LRRC37A2: variants seen among roughly 807,000 people sequenced by gnomAD.
LRRC37A2 encodes the protein leucine-rich repeat-containing protein 37A2.
In LRRC37A2, 9 loss-of-function variants were observed where a neutral mutation model predicts 68.8. That is an observed-to-expected ratio of 0.13 (90% CI 0.08 to 0.23). The LOEUF (loss-of-function observed/expected upper bound fraction) is 0.23, where lower values mean the gene tolerates loss of function less well. Among genes scored for constraint, LRRC37A2 ranks in the 10% least tolerant of loss-of-function variants. LRRC37A2 has a pLI of 1.00. For missense variants in LRRC37A2, 168 were observed against 950.4 expected (o/e 0.18, Z 10.82); for synonymous variants, 63 against 367.6 (o/e 0.17, Z 9.48).
chr17:46,781,746 G>A, the LRRC37A2 span, among the ~76,000 whole-genome samples: 2 of 152,146 alleles, frequency 1.3e-5, no homozygotes, highest in Non-Finnish European at 1.5e-5. Flanking sequence ...AATCAAAGGA[G>A]GGATGGTGCT....
chr17:46,713,771 T>C, the LRRC37A2 span: 41 of 1,383,168 alleles, frequency 3.0e-5, no homozygotes, highest in South Asian at 5.1e-4. Context: ...CTCAGTATGT[T>C]CTGGATAAAA....
chr17:46,931,174 A>G, the LRRC37A2 span: 3 of 1,604,476 alleles, frequency 1.9e-6, no homozygotes, highest in Admixed American at 5.0e-5. Context: ...TTGTCCAGCA[A>G]GGAGCCCCCT....
the LRRC37A2 span, among the ~76,000 whole-genome samples, chr17:46,879,809 T>C: frequency 4.6e-5 from 7 of 152,204 alleles, no homozygotes; most frequent in Admixed American, 2.6e-4. Flanking sequence ...CCCAGCCTTT[T>C]GGATCTGGAT....
chr17:46,717,177 C>A, the LRRC37A2 span, among the ~76,000 whole-genome samples: 1 of 152,100 alleles, frequency 6.6e-6, no homozygotes, highest in Non-Finnish European at 1.5e-5. Flanking sequence ...AGAATGAAAT[C>A]CTTGTCATTT....
At chr17:46,889,966 T>C in the LRRC37A2 span, among the ~76,000 whole-genome samples, 2 of 152,236 alleles carry the variant, frequency 1.3e-5, no homozygotes, top group African/African-American at 2.4e-5. Flanking sequence ...CCTGGCATAT[T>C]GTCAGCTCTA....
At chr17:47,019,565 A>C in the LRRC37A2 span, 1 of 1,474,354 alleles carries the variant, frequency 6.8e-7, no homozygotes, top group Middle Eastern at 1.8e-4. Flanking sequence ...CTGAAGTCAC[A>C]GGTCCACCTA....
chr17:46,543,506 A>C (rs1461472642), intron 8 of LRRC37A2, among the ~76,000 whole-genome samples: 2 of 150,958 alleles, frequency 1.3e-5, no homozygotes, highest in African/African-American at 5.0e-5. Flanking sequence ...CGGACCGCAT[A>C]GTAGACAATG....
At chr17:46,920,995 T>C in the LRRC37A2 span, 1 of 152,194 alleles carries the variant, frequency 6.6e-6, no homozygotes, top group Non-Finnish European at 1.5e-5. Flanking sequence ...TTCTGCTTTT[T>C]TTTTTCAGCC....
chr17:46,897,591 T>G, the LRRC37A2 span, among the ~76,000 whole-genome samples: 1 of 152,172 alleles, frequency 6.6e-6, no homozygotes, highest in East Asian at 1.9e-4. Context: ...TGATGGTGCT[T>G]GGTGAATGGC....
the LRRC37A2 span, chr17:46,876,825 C>A: frequency 1.1e-5 from 16 of 1,439,868 alleles, no homozygotes; most frequent in Non-Finnish European, 1.5e-5. Context: ...CATGCATAAA[C>A]CGGCATGTGT....
the LRRC37A2 span, chr17:46,876,314 T>A: frequency 3.1e-6 from 5 of 1,614,174 alleles, no homozygotes; most frequent in Non-Finnish European, 2.5e-6. Context: ...CGTGCGCACC[T>A]GCTGGAAGCA....
At chr17:47,036,747 T>A in the LRRC37A2 span, among the ~76,000 whole-genome samples, 2 of 151,084 alleles carry the variant, frequency 1.3e-5, no homozygotes, top group African/African-American at 4.9e-5. Flanking sequence ...TAGATTTGAT[T>A]TGGGTTTTGA....
the LRRC37A2 span, chr17:46,875,063 C>A: frequency 6.2e-7 from 1 of 1,613,390 alleles, no homozygotes; most frequent in African/African-American, 1.3e-5. Context: ...TCTCTTCCCC[C>A]TTTCCTCCCT....
chr17:46,769,652 G>T, the LRRC37A2 span: 5 of 1,284,640 alleles, frequency 3.9e-6, no homozygotes, highest in Non-Finnish European at 4.3e-6. Context: ...AGGAGGCCAA[G>T]CCTGGCCAAG....
At chr17:46,963,430 A>G in the LRRC37A2 span, among the ~76,000 whole-genome samples, 1 of 152,074 alleles carries the variant, frequency 6.6e-6, no homozygotes, top group Non-Finnish European at 1.5e-5. Flanking sequence ...CTGTAATCCC[A>G]GCTACTTGGG....
At chr17:46,891,306 G>A in the LRRC37A2 span, among the ~76,000 whole-genome samples, 1 of 152,110 alleles carries the variant, frequency 6.6e-6, no homozygotes, top group Non-Finnish European at 1.5e-5. Flanking sequence ...GGCAGGCAGG[G>A]GTGCCTTATC....
chr17:46,589,322 T>C, the LRRC37A2 span, among the ~76,000 whole-genome samples: 10 of 73,566 alleles, frequency 1.4e-4, no homozygotes, highest in African/African-American at 3.0e-4. Context: ...AGTGTGAGAC[T>C]TAATGAAATA....
At chr17:46,874,994 G>A in the LRRC37A2 span, 1 of 1,566,700 alleles carries the variant, frequency 6.4e-7, no homozygotes, top group East Asian at 2.2e-5. Flanking sequence ...TCACAGCGCT[G>A]CCACCACCGC....
At chr17:46,516,196 G>T (rs1225367210) in intron 2 of LRRC37A2, among the ~76,000 whole-genome samples, 1 of 148,182 alleles carries the variant, frequency 6.7e-6, no homozygotes, top group African/African-American at 2.5e-5. Context: ...CCAGCTACTC[G>T]GGAGGCTGAG....
Sources: gnomAD v4.1 joint callset for allele counts (sites outside exome capture counted in the v4.1 genomes callset) on GRCh38, gnomAD v4.1.1 for gene constraint, MANE v1.5 for transcripts, NCBI Gene and HGNC (gene_info 2026-07-23, HGNC 2026-07-21) for gene names.